The following RUBCNL variants were observed in gnomAD, a reference collection of about 807,000 sequenced individuals.
RUBCNL encodes the protein rubicon like autophagy enhancer.
A neutral mutation model predicts 69.5 loss-of-function variants in RUBCNL; 62 were observed. The observed-to-expected ratio is 0.89, with a 90% confidence interval of 0.73 to 1.10. The LOEUF (loss-of-function observed/expected upper bound fraction) is 1.10. Among genes scored for constraint, RUBCNL ranks in the 50% least tolerant of loss-of-function variants. The probability of loss-of-function intolerance (pLI) is 0.00; values close to 1 mark genes in which losing one functional copy is unlikely to be tolerated. For synonymous variants in RUBCNL, 291 were observed against 303.6 expected (o/e 0.96, Z 0.43); for missense variants, 768 against 798.1 (o/e 0.96, Z 0.45).
Position 46,387,099 on chromosome 13 carries a change from C to G in RUBCNL, c.-239+35G>C, listed in dbSNP as rs372286986. ...TCCAACCACCCTCTCCACCCCGCGC[C>G]GCTCCCATCTCGCCCCCGGCCCCGC... On this transcript the variant is annotated intron_variant, in intron 1 of 14. Coordinates refer to ENST00000429979, the MANE Select transcript of RUBCNL (RefSeq NM_025113.5). 4 of 985,732 alleles carry G rather than the reference C, an allele frequency of 4.1e-6. No individual in the cohort carries two copies. In the African/African-American group the frequency reaches 5.2e-5, roughly 13 times the overall value. 61.1% of individuals were successfully genotyped at this position (985,732 alleles called of 1,614,324 possible).
Position 46,338,184 on chromosome 13 carries a change from T to C in RUBCNL, c.*5201A>G, listed in dbSNP as rs1239380980. Among the ~76,000 whole-genome samples the C allele has an allele frequency of 6.6e-6, 1 of 152,238 alleles. No homozygotes were observed. The highest frequency in any genetic ancestry group is 1.5e-5 in the Non-Finnish European group (1 of 68,034). On this transcript the variant is annotated 3_prime_UTR_variant, in exon 15 of 15. Transcript: ENST00000429979. ...AGTACAAATACAGGTCCACATGCCA[T>C]ATATCCAAGTATTTAAAATTTGAAA...
At position 46,368,725 on chromosome 13, in the gene RUBCNL, G is replaced by T. The variant is rs1302499046; in HGVS notation, c.618+8C>A. On this transcript the variant is annotated splice_region_variant and intron_variant, in intron 4 of 14. Transcript: ENST00000429979. Reference sequence around the variant, plus strand: ...TCTATGGTTAAAAAGAAAGAAGATAGCATTCACCTTTTCTACATCAACAGG... The same window carrying T: ...TCTATGGTTAAAAAGAAAGAAGATATCATTCACCTTTTCTACATCAACAGG... The T allele has an allele frequency of 6.2e-7, 1 of 1,606,222 alleles. No homozygotes were observed. The highest frequency in any genetic ancestry group is 8.5e-7 in the Non-Finnish European group (1 of 1,174,238).
In RUBCNL at chr13:46,341,687, C is replaced by T. The variant is rs929637613; in HGVS notation, c.*1698G>A. On this transcript the variant is annotated 3_prime_UTR_variant, in exon 15 of 15. Coordinates refer to ENST00000429979, the MANE Select transcript of RUBCNL (RefSeq NM_025113.5). ...AACACTGATGTGAGAAAACACTCTG[C>T]CCAATGCCACTTCTGCAAGTTGGAG... 2.0e-5 allele frequency among the ~76,000 whole-genome samples: 3 copies of T among 152,216 alleles called. No individual in the cohort carries two copies. The highest frequency in any genetic ancestry group is 6.5e-5 in the Admixed American group (1 of 15,286).
Position 46,335,242 on chromosome 13 carries a change from T to TTTGTTGTTGTTGTTG in RUBCNL, c.*8128_*8142dup, listed in dbSNP as rs796529048. Among the ~76,000 whole-genome samples, 3 of 142,096 alleles carry TTTGTTGTTGTTGTTG rather than the reference T, an allele frequency of 2.1e-5. No homozygotes were observed. Among genetic ancestry groups the TTTGTTGTTGTTGTTG allele is most frequent in the Non-Finnish European group, 3.0e-5 (2 of 66,740 alleles). The allele number at this position is 142,096 out of a possible 152,430, so 93.2% of individuals were successfully genotyped here. A position where few individuals can be genotyped will look rare whatever the true frequency, so the allele number is the denominator to read the frequency against. Reference sequence around the variant, plus strand: ...ATTGTGCCCAGCTAATTTGTGTCTTTTTGTTGTTGTTGTTGTTGTTTTTTT... The same window carrying TTTGTTGTTGTTGTTG: ...ATTGTGCCCAGCTAATTTGTGTCTTTTTGTTGTTGTTGTTGTTGTTGTTGTTGTTGTTGTTTTTTT... On this transcript the variant is annotated 3_prime_UTR_variant, in exon 15 of 15. Coordinates refer to ENST00000429979, the MANE Select transcript of RUBCNL (RefSeq NM_025113.5).
At chr13:46,364,796 G>A (rs1408827731) in intron 5 of RUBCNL, among the ~76,000 whole-genome samples, 3 of 150,256 alleles carry the variant, frequency 2.0e-5, no homozygotes, top group Non-Finnish European at 3.0e-5. Flanking sequence ...TGTCACAAAA[G>A]AAGTACTTAA....
chr13:46,378,416 T>C (rs952214658), intron 1 of RUBCNL: 1 of 154,310 alleles, frequency 6.5e-6, no homozygotes, highest in African/African-American at 2.4e-5. Flanking sequence ...CAAAAACATT[T>C]AAGGGAAGAG....
At chr13:46,349,769 C>T (rs547701865) in intron 11 of RUBCNL, among the ~76,000 whole-genome samples, 25 of 151,952 alleles carry the variant, frequency 1.6e-4, no homozygotes, top group South Asian at 6.3e-4. Context: ...CTCCACCTCC[C>T]GGGTTCAAGC....
chr13:46,362,639 C>T, intron 6 of RUBCNL, 41 bp from the exon 7 acceptor site: 1 of 1,422,156 alleles, frequency 7.0e-7, no homozygotes, highest in Non-Finnish European at 9.8e-7. Flanking sequence ...GTCTTTTAGT[C>T]TGTTTCATTT....
At chr13:46,372,728 G>T in intron 2 of RUBCNL, 131 bp from the exon 3 acceptor site, 2 of 648,504 alleles carry the variant, frequency 3.1e-6, no homozygotes, top group East Asian at 3.4e-5. Context: ...AGTAAAGCCC[G>T]CTTGGATTTA....
intron 1 of RUBCNL, chr13:46,378,500 A>C (rs1297816150): frequency 2.0e-5 from 3 of 153,178 alleles, no homozygotes; most frequent in African/African-American, 7.2e-5. Flanking sequence ...CACAGGCCAG[A>C]TTACTAGTGA....
upstream of RUBCNL, chr13:46,387,483 C>T (rs1435125299): frequency 3.0e-6 from 3 of 985,426 alleles, no homozygotes; most frequent in African/African-American, 1.7e-5. Flanking sequence ...GCGCCTCTGC[C>T]GGTCCTCCTA....
upstream of RUBCNL, chr13:46,387,280 A>AGCGACGCC (rs1476838069): frequency 3.0e-6 from 3 of 985,384 alleles, no homozygotes; most frequent in African/African-American, 5.2e-5. Context: ...AGGAGGGGAC[A>AGCGACGCC]GCGACGCCCC....
chr13:46,360,713 C>G (rs1481213931), intron 8 of RUBCNL, among the ~76,000 whole-genome samples: 1 of 152,216 alleles, frequency 6.6e-6, no homozygotes, highest in East Asian at 1.9e-4. Flanking sequence ...CCTGTTTTAG[C>G]CTTTGTCATA....
intron 10 of RUBCNL, among the ~76,000 whole-genome samples, chr13:46,351,248 C>T (rs558121846): frequency 6.6e-6 from 1 of 152,086 alleles, no homozygotes; most frequent in South Asian, 2.1e-4. Context: ...GGCAACAGAG[C>T]GAGACCCTGT....
At chr13:46,373,864 G>T (rs1441767971) in intron 2 of RUBCNL, among the ~76,000 whole-genome samples, 1 of 152,208 alleles carries the variant, frequency 6.6e-6, no homozygotes, top group Non-Finnish European at 1.5e-5. Flanking sequence ...CATCTGTCCA[G>T]TGGGCACTGC....
intron 2 of RUBCNL, 145 bp from the exon 3 acceptor site, chr13:46,372,742 G>A (rs2048906713): frequency 1.8e-6 from 1 of 555,120 alleles, no homozygotes; most frequent in East Asian, 3.7e-5. Context: ...GGATTTATAA[G>A]TGAAAAAATA....
At chr13:46,384,296 T>C (rs962849391) in intron 1 of RUBCNL, among the ~76,000 whole-genome samples, 4 of 152,214 alleles carry the variant, frequency 2.6e-5, no homozygotes, top group Admixed American at 2.0e-4. Flanking sequence ...ACAGAGAGAA[T>C]AGGGAAGTGC....
intron 10 of RUBCNL, chr13:46,354,675 C>A: frequency 2.4e-6 from 1 of 421,806 alleles, no homozygotes; most frequent in Non-Finnish European, 4.8e-6. Flanking sequence ...CCCAGCTTCT[C>A]AAGCTCAGAT....
At position 46,368,762 on chromosome 13, in the gene RUBCNL, C is replaced by G. The variant is rs776307569; in HGVS notation, c.589G>C (p.Val197Leu). 1.5e-5 allele frequency: 24 copies of G among 1,613,630 alleles called. No homozygotes were observed. Among genetic ancestry groups the G allele is most frequent in the Non-Finnish European group, 1.8e-5 (21 of 1,179,806 alleles). The change falls in exon 4 of 15, where the codon GTA becomes CTA. Residue 197 changes from valine (V) to leucine (L), a missense_variant. Val to Leu is a conservative substitution (Grantham distance 32, BLOSUM62 1). Transcript: ENST00000429979. ...TISSNSFSPE[V>L]FVLPVDVEKE... ...TCTACATCAACAGGCAGCACAAATA[C>G]CTCTGGTGAGAAGGAATTCGAAGAA...
Sources: gnomAD v4.1 joint callset for allele counts (sites outside exome capture counted in the v4.1 genomes callset) on GRCh38, gnomAD v4.1.1 for gene constraint, MANE v1.5 for transcripts, NCBI Gene and HGNC (gene_info 2026-07-23, HGNC 2026-07-21) for gene names.